Variants in VEZT observed in about 807,000 individuals in gnomAD.
VEZT encodes the protein vezatin.
Under a neutral mutation model 79.9 loss-of-function variants are expected in VEZT, and 39 were observed. The observed-to-expected ratio is 0.49, with a 90% CI of 0.38 to 0.64. The LOEUF (loss-of-function observed/expected upper bound fraction) is 0.64. VEZT is among the 30% of genes least tolerant of loss of function. The pLI is 0.00. For missense variants in VEZT, 837 were observed against 893.1 expected (o/e 0.94, Z 0.80); for synonymous variants, 325 against 327.6 (o/e 0.99, Z 0.09).
At chr12:95,218,435 C>T (rs946127633) in intron 1 of VEZT, 1 of 152,346 alleles carries the variant, frequency 6.6e-6, no homozygotes, top group South Asian at 2.1e-4. Context: ...AGATTCGATT[C>T]TTTTGTCCTT....
At chr12:95,270,028 T>A in intron 5 of VEZT, 23 bp from the exon 6 acceptor site, 1 of 1,603,840 alleles carries the variant, frequency 6.2e-7, no homozygotes, top group Non-Finnish European at 8.5e-7. Context: ...TATCACATTT[T>A]ACTTTTCAAG....
At chr12:95,269,855 C>CATAT (rs571816353) in intron 5 of VEZT, 196 bp from the exon 6 acceptor site, 3 of 475,832 alleles carry the variant, frequency 6.3e-6, no homozygotes, top group East Asian at 4.0e-5. Context: ...TCTATATATA[C>CATAT]ATATATATAT....
At position 95,296,224 on chromosome 12, in the gene VEZT, G is replaced by A. The variant is rs1229223701; in HGVS notation, c.1797G>A (p.Arg599=). 1.5e-5 allele frequency: 24 copies of A among 1,587,776 alleles called. No homozygotes were observed. Among genetic ancestry groups the A allele is most frequent in the Non-Finnish European group, 2.1e-5 (24 of 1,166,276 alleles). ...GATTTAAAGCTTCAGAGGCAGAAAG[G>A]CAGAAGTGGAAGCAACTTCTATTTA... ...VLGFKASEAE[R]QKWKQLLFSD... is the part of the protein sequence containing the mutation. Residue 599 remains arginine (R), a synonymous_variant, in exon 11 of 12, where the codon AGG becomes AGA. Transcript: ENST00000436874.
At chr12:95,268,734 T>C (rs2066032459) in intron 5 of VEZT, among the ~76,000 whole-genome samples, 1 of 152,216 alleles carries the variant, frequency 6.6e-6, no homozygotes, top group South Asian at 2.1e-4. Flanking sequence ...CGAAGAGAAG[T>C]ATTGGAAGAA....
intron 2 of VEZT, among the ~76,000 whole-genome samples, chr12:95,256,144 C>G (rs549898430): frequency 6.6e-6 from 1 of 152,092 alleles, no homozygotes. Context: ...CTCTGCCTCC[C>G]GGGTTCAAGT....
At chr12:95,218,020 C>T (rs972894754) in intron 1 of VEZT, 134 bp downstream of exon 1, 4 of 841,714 alleles carry the variant, frequency 4.8e-6, no homozygotes, top group Non-Finnish European at 7.0e-6. Context: ...CGAACCCCAG[C>T]GATTTCAGGG....
At position 95,257,333 on chromosome 12, in the gene VEZT, A is replaced by G. The variant is rs1004694166; in HGVS notation, c.258+94A>G. 3.4e-5 allele frequency: 34 copies of G among 1,003,564 alleles called. 1 individual carries two copies. In the Middle Eastern group the frequency reaches 7.8e-4, roughly 23 times the overall value. 62.2% of individuals were successfully genotyped at this position (1,003,564 alleles called of 1,614,324 possible). A position where few individuals can be genotyped will look rare whatever the true frequency, so the allele number is the denominator to read the frequency against. On this transcript the variant is annotated intron_variant, in intron 3 of 11. Coordinates refer to ENST00000436874, the MANE Select transcript of VEZT (RefSeq NM_017599.4). The stretch of plus-strand genomic sequence containing the variant: ...AATTTGTTTTGCTATCAATTTGGCC[A>G]GCAATTGATTTTTACTAGAGATTCT...
At chr12:95,266,117 A>C (rs1354573621) in intron 4 of VEZT, among the ~76,000 whole-genome samples, 3 of 152,164 alleles carry the variant, frequency 2.0e-5, no homozygotes, top group Non-Finnish European at 4.4e-5. Context: ...CTGTTTTCTT[A>C]CTTAAATTTA....
At chr12:95,248,089 G>A (rs2061962638) in intron 1 of VEZT, among the ~76,000 whole-genome samples, 1 of 152,156 alleles carries the variant, frequency 6.6e-6, no homozygotes, top group Non-Finnish European at 1.5e-5. Flanking sequence ...GTAAAACAGT[G>A]CTTTCTGGGA....
rs781757252 is a variant in VEZT, at chr12:95,270,121, G to T, written c.781G>T (p.Ala261Ser). 6.2e-7 allele frequency: 1 copy of T among 1,611,758 alleles called. No individual in the cohort carries two copies. Among genetic ancestry groups the T allele is most frequent in the South Asian group, 1.1e-5 (1 of 90,374 alleles). ...PSQHLIGLRK[A>S]VYRTLRANFQ... Reference sequence around the variant, plus strand: ...TCAGCATCTCATCGGTCTTCGGAAAGCTGTCTACCGAACTCTAAGAGCCAA... The same window carrying T: ...TCAGCATCTCATCGGTCTTCGGAAATCTGTCTACCGAACTCTAAGAGCCAA... The change falls in exon 6 of 12, where the codon GCT (alanine) becomes TCT (serine). Residue 261 changes from alanine to serine, a missense_variant. Ala to Ser is a moderately conservative substitution (Grantham distance 99, BLOSUM62 1). Coordinates refer to ENST00000436874, the MANE Select transcript of VEZT (RefSeq NM_017599.4).
At chr12:95,257,987 A>T (rs963279065) in intron 3 of VEZT, among the ~76,000 whole-genome samples, 10 of 152,208 alleles carry the variant, frequency 6.6e-5, no homozygotes, top group Non-Finnish European at 1.5e-4. Flanking sequence ...TTACTGAGTG[A>T]ATTGTCTAAA....
At chr12:95,235,644 A>T (rs2060000864) in intron 1 of VEZT, among the ~76,000 whole-genome samples, 1 of 133,146 alleles carries the variant, frequency 7.5e-6, no homozygotes, top group African/African-American at 2.9e-5. Context: ...CACCTCCCGG[A>T]TGGGGCGGCT....
At chr12:95,266,047 C>T (rs1308100370) in intron 4 of VEZT, among the ~76,000 whole-genome samples, 1 of 152,146 alleles carries the variant, frequency 6.6e-6, no homozygotes, top group Non-Finnish European at 1.5e-5. Context: ...ATTCAGTCAG[C>T]ACCTACAGAG....
intron 11 of VEZT, 47 bp downstream of exon 11, chr12:95,296,305 C>G (rs2074120085): frequency 1.3e-6 from 2 of 1,502,592 alleles, no homozygotes; most frequent in Admixed American, 4.5e-5. Flanking sequence ...GTAGGGGATT[C>G]TTTCTTTCTT....
At chr12:95,221,326 A>G (rs1160567347) in intron 1 of VEZT, among the ~76,000 whole-genome samples, 2 of 152,160 alleles carry the variant, frequency 1.3e-5, no homozygotes, top group Non-Finnish European at 2.9e-5. Flanking sequence ...CACTTTGGAA[A>G]GCTAAGCCAG....
chr12:95,255,724 C>G (rs2063358406), intron 2 of VEZT, among the ~76,000 whole-genome samples: 3 of 152,310 alleles, frequency 2.0e-5, no homozygotes, highest in African/African-American at 7.2e-5. Context: ...AGCCACCGCC[C>G]CCGGCCTTGA....
intron 1 of VEZT, among the ~76,000 whole-genome samples, chr12:95,227,386 G>T (rs2058651872): frequency 6.8e-6 from 1 of 147,880 alleles, no homozygotes; most frequent in Non-Finnish European, 1.5e-5. Context: ...TGTCGCCCAG[G>T]CTGGAGTGCA....
intron 1 of VEZT, among the ~76,000 whole-genome samples, chr12:95,232,862 G>A (rs765900673): frequency 1.6e-4 from 25 of 152,108 alleles, no homozygotes; most frequent in Non-Finnish European, 2.9e-4. Context: ...CTGGAGTGCA[G>A]TGACGCAATC....
chr12:95,241,875 T>G (rs890233226), intron 1 of VEZT, among the ~76,000 whole-genome samples: 8 of 152,188 alleles, frequency 5.3e-5, no homozygotes, highest in African/African-American at 1.7e-4. Context: ...GACAGGTAAG[T>G]AGACACTTAT....
Sources: allele counts gnomAD v4.1 joint callset (sites outside exome capture counted in the v4.1 genomes callset), GRCh38; gene constraint gnomAD v4.1.1; transcripts MANE v1.5; gene names NCBI Gene and HGNC (gene_info 2026-07-23, HGNC 2026-07-21).